Variants in MARCHF1 observed in about 807,000 individuals in gnomAD.
MARCHF1 encodes the protein membrane associated ring-CH-type finger 1.
Under a neutral mutation model 54.2 loss-of-function variants are expected in MARCHF1, and 40 were observed. That is an observed-to-expected ratio of 0.74 (90% CI 0.57 to 0.96). MARCHF1 has a LOEUF of 0.96. MARCHF1 is among the 40% of genes least tolerant of loss of function. The pLI, the probability that MARCHF1 is intolerant of heterozygous loss-of-function variation, is 0.00. For synonymous variants in MARCHF1, 236 were observed against 236.3 expected (o/e 1.00, Z 0.01); for missense variants, 586 against 656.5 (o/e 0.89, Z 1.17).
intron 4 of MARCHF1, among the ~76,000 whole-genome samples, chr4:163,720,272 G>T (rs1048105899): frequency 1.2e-4 from 19 of 152,150 alleles, no homozygotes; most frequent in African/African-American, 2.2e-4. Context: ...CAGCACCACT[G>T]ATTAAATAGG....
intron 5 of MARCHF1, among the ~76,000 whole-genome samples, chr4:163,636,861 G>C (rs1449239919): frequency 6.6e-6 from 1 of 152,226 alleles, no homozygotes; most frequent in African/African-American, 2.4e-5. Flanking sequence ...CAAGGCTACA[G>C]TAACCAAAAC....
chr4:164,256,317 C>A (rs1432253364), intron 1 of MARCHF1, among the ~76,000 whole-genome samples: 10 of 150,590 alleles, frequency 6.6e-5, no homozygotes, highest in African/African-American at 2.4e-4. Flanking sequence ...TCACTGTTTT[C>A]CAAACCTCAG....
chr4:163,622,673 C>T (rs571338885), intron 5 of MARCHF1, among the ~76,000 whole-genome samples: 14 of 152,102 alleles, frequency 9.2e-5, no homozygotes, highest in South Asian at 2.1e-4. Flanking sequence ...ATCTCGATGC[C>T]GAGTTTATAA....
At chr4:163,572,488 A>G (rs552781660) in intron 8 of MARCHF1, among the ~76,000 whole-genome samples, 7 of 151,776 alleles carry the variant, frequency 4.6e-5, no homozygotes, top group African/African-American at 1.7e-4. Context: ...TTAAAACCCA[A>G]CCTTCTGGCC....
chr4:163,894,476 C>A (rs1206596137), intron 3 of MARCHF1, among the ~76,000 whole-genome samples: 1 of 151,112 alleles, frequency 6.6e-6, no homozygotes, highest in Non-Finnish European at 1.5e-5. Flanking sequence ...ATGCCAGCCT[C>A]TGTAAGAATA....
At chr4:164,254,035 T>C (rs1027655576) in intron 1 of MARCHF1, among the ~76,000 whole-genome samples, 1 of 152,136 alleles carries the variant, frequency 6.6e-6, no homozygotes, top group Non-Finnish European at 1.5e-5. Context: ...AGAGATAATA[T>C]GAATGAGTTC....
chr4:163,585,591 CACTT>C (rs1209400710), intron 8 of MARCHF1, 154 bp downstream of exon 8: 2 of 474,468 alleles, frequency 4.2e-6, no homozygotes, highest in Non-Finnish European at 7.5e-6. Flanking sequence ...TATCTGCAAA[CACTT>C]AGATAAATTT....
chr4:163,895,437 T>C (rs1278175897), intron 3 of MARCHF1, among the ~76,000 whole-genome samples: 1 of 152,190 alleles, frequency 6.6e-6, no homozygotes, highest in Non-Finnish European at 1.5e-5. Context: ...ATAAGCACCA[T>C]ATTTGTTATG....
At chr4:163,724,385 G>A (rs1745584486) in intron 4 of MARCHF1, among the ~76,000 whole-genome samples, 2 of 152,202 alleles carry the variant, frequency 1.3e-5, no homozygotes, top group African/African-American at 4.8e-5. Context: ...GTCTCAGAGG[G>A]GGACCCGGCT....
Position 163,889,914 on chromosome 4 carries a change from A to C in MARCHF1, c.-38-35745T>G, listed in dbSNP as rs1453721941. 6.0e-5 allele frequency among the ~76,000 whole-genome samples: 4 copies of C among 67,200 alleles called. 1 individual carries two copies. The South Asian group carries it at 1.9e-3, about 31-fold the overall frequency. 44.1% of individuals were successfully genotyped at this position (67,200 alleles called of 152,430 possible). On this transcript the variant is annotated intron_variant, in intron 3 of 9. Coordinates refer to ENST00000514618, the MANE Select transcript of MARCHF1 (RefSeq NM_001394959.1). Reference sequence around the variant, plus strand: ...TATTTATGTTAAACTTCGTTTATTTATTTTCTTTTTTCTTTTTTTTTTTTT... The same window carrying C: ...TATTTATGTTAAACTTCGTTTATTTCTTTTCTTTTTTCTTTTTTTTTTTTT...
intron 3 of MARCHF1, among the ~76,000 whole-genome samples, chr4:163,876,435 T>C (rs1750291402): frequency 6.6e-6 from 1 of 152,188 alleles, no homozygotes; most frequent in Admixed American, 6.5e-5. Context: ...CAAATCCTGT[T>C]TCTTCCCTCC....
At chr4:163,569,287 C>T (rs905662652) in intron 8 of MARCHF1, among the ~76,000 whole-genome samples, 8 of 152,068 alleles carry the variant, frequency 5.3e-5, no homozygotes, top group African/African-American at 1.7e-4. Context: ...ACGATAGCCA[C>T]GCTGTAATGT....
At chr4:164,235,961 C>T (rs575406753) in intron 1 of MARCHF1, among the ~76,000 whole-genome samples, 1 of 152,092 alleles carries the variant, frequency 6.6e-6, no homozygotes, top group African/African-American at 2.4e-5. Flanking sequence ...TTGCCTTTTA[C>T]ACAAGGAGAG....
intron 1 of MARCHF1, among the ~76,000 whole-genome samples, chr4:164,131,823 T>C (rs1357974405): frequency 6.6e-6 from 1 of 152,156 alleles, no homozygotes; most frequent in African/African-American, 2.4e-5. Context: ...CATAAAAATG[T>C]AATTTCTTAC....
At chr4:163,548,271 T>C (rs1191929095) in intron 8 of MARCHF1, among the ~76,000 whole-genome samples, 1 of 152,226 alleles carries the variant, frequency 6.6e-6, no homozygotes, top group African/African-American at 2.4e-5. Context: ...GAAAAACAGC[T>C]TCACGTTTTT....
rs186817351 is a variant in MARCHF1 at position 163,632,177 on chromosome 4, T to A, written c.163-18784A>T. On this transcript the variant is annotated intron_variant, in intron 5 of 9. Transcript: ENST00000514618. The stretch of plus-strand genomic sequence containing the variant: ...GTTACTCTGGAAAATATAGGTAGAA[T>A]TACTCTATGATATGGTTTGAATATT... 2.0e-5 allele frequency among the ~76,000 whole-genome samples: 3 copies of A among 152,268 alleles called. No individual in the cohort carries two copies. The East Asian group carries it at 5.8e-4, about 29-fold the overall frequency.
chr4:163,838,273 T>C (rs1434599423), intron 4 of MARCHF1, among the ~76,000 whole-genome samples: 1 of 152,136 alleles, frequency 6.6e-6, no homozygotes, highest in East Asian at 1.9e-4. Flanking sequence ...CATCCTCCCA[T>C]GCACTTTAAA....
chr4:163,979,380 C>T (rs1752715473), intron 3 of MARCHF1, among the ~76,000 whole-genome samples: 3 of 148,716 alleles, frequency 2.0e-5, no homozygotes. Flanking sequence ...CATAGTATTC[C>T]ATGGTGTATA....
At chr4:163,915,305 C>T (rs749972624) in intron 3 of MARCHF1, among the ~76,000 whole-genome samples, 6 of 151,946 alleles carry the variant, frequency 3.9e-5, no homozygotes, top group Non-Finnish European at 8.8e-5. Flanking sequence ...TCTGTGATAT[C>T]CCCACCCCAA....
Sources: gnomAD v4.1 joint callset for allele counts (sites outside exome capture counted in the v4.1 genomes callset) on GRCh38, gnomAD v4.1.1 for gene constraint, MANE v1.5 for transcripts, NCBI Gene and HGNC (gene_info 2026-07-23, HGNC 2026-07-21) for gene names.